The following ZNF737 variants were observed in gnomAD, a reference collection of about 807,000 sequenced individuals.
ZNF737 encodes zinc finger protein 737.
Under a neutral mutation model 11.7 loss-of-function variants are expected in ZNF737, and 13 were observed. That is an observed-to-expected ratio of 1.11 (90% CI 0.73 to 1.77). The LOEUF is 1.77. ZNF737 is among the 40% of genes most tolerant of loss of function. The pLI, the probability that ZNF737 is intolerant of heterozygous loss-of-function variation, is 0.00. For missense variants in ZNF737, 636 were observed against 638.0 expected (o/e 1.00, Z 0.03); for synonymous variants, 217 against 216.2 (o/e 1.00, Z -0.03).
At chr19:20,548,962 G>GGAA in intron 3 of ZNF737, among the ~76,000 whole-genome samples, 1 of 86,450 alleles carries the variant, frequency 1.2e-5, no homozygotes, top group East Asian at 3.4e-4. Flanking sequence ...AAGAAAAACT[G>GGAA]AAAAAAAAAA....
chr19:20,540,510 C>T lies in ZNF737; in HGVS notation c.*4082G>A, dbSNP rs1276852092. Among the ~76,000 whole-genome samples the T allele has an allele frequency of 6.6e-6, 1 of 152,068 alleles. No homozygotes were observed. The highest frequency in any genetic ancestry group is 1.5e-5 in the Non-Finnish European group (1 of 68,000). On this transcript the variant is annotated 3_prime_UTR_variant, in exon 4 of 4. Transcript: ENST00000427401. ...GCACGGTGGCTCATGATTCTAATAC[C>T]AGCACCGTGGGAGGCTGAAGCAGGC...
At chr19:20,532,787 C>T (rs1272504787), downstream of ZNF737, among the ~76,000 whole-genome samples, 1 of 149,934 alleles carries the variant, frequency 6.7e-6, no homozygotes, top group East Asian at 2.0e-4. Flanking sequence ...AAATAAGAGC[C>T]ACCTGTGGCA....
At position 20,545,114 on chromosome 19, in the gene ZNF737, A is replaced by G. The variant is rs782635179; in HGVS notation, c.1089T>C (p.His363=). ...CACATTTGTAGGGTTTCTCTCCACT[A>G]TGAATTATCTTGTGTGTAGTAAGGG... The part of the protein sequence containing the change: ...FSSLTTHKII[H]SGEKPYKCEE... The change falls in exon 4 of 4, where the codon CAT becomes CAC. Residue 363 remains histidine (H), a synonymous_variant. Coordinates refer to ENST00000427401, the MANE Select transcript of ZNF737 (RefSeq NM_001159293.2). 9 of 1,611,064 alleles carry G rather than the reference A, an allele frequency of 5.6e-6. No individual in the cohort carries two copies. The highest frequency in any genetic ancestry group is 4.5e-5 in the East Asian group (2 of 44,676).
At position 20,544,491 on chromosome 19, in the gene ZNF737, T is replaced by C; in HGVS notation, c.*101A>G. The C allele has an allele frequency of 3.9e-6, 6 of 1,526,154 alleles. No homozygotes were observed. Among genetic ancestry groups the C allele is most frequent in the Non-Finnish European group, 5.2e-6 (6 of 1,144,694 alleles). The allele number at this position is 1,526,154 out of a possible 1,614,324, so 94.5% of individuals were successfully genotyped here. On this transcript the variant is annotated 3_prime_UTR_variant, in exon 4 of 4. Coordinates refer to ENST00000427401, the MANE Select transcript of ZNF737 (RefSeq NM_001159293.2). ...AGGTTTGAGGATGAAATAAAGGCTT[T>C]GCCACATTTATCACACTTGTACAGT...
rs1283415870 is a variant in ZNF737 at position 20,543,067 on chromosome 19, C to CTTAG, written c.*1521_*1524dup. On this transcript the variant is annotated 3_prime_UTR_variant, in exon 4 of 4. Transcript: ENST00000427401. ...AGTGTAATGTCTGAAGTGTCGGGGC[C>CTTAG]TTAGTTATTCTACTGTAAACTCTCT... 1 of 983,252 alleles carries CTTAG rather than the reference C, an allele frequency of 1.0e-6. No individual in the cohort carries two copies. Among genetic ancestry groups the CTTAG allele is most frequent in the Non-Finnish European group, 1.2e-6 (1 of 828,274 alleles). The allele number at this position is 983,252 out of a possible 1,614,324, so 60.9% of individuals were successfully genotyped here. A position where few individuals can be genotyped will look rare whatever the true frequency, so the allele number is the denominator to read the frequency against.
chr19:20,565,431 G>A (rs1287913446), intron 1 of ZNF737, among the ~76,000 whole-genome samples: 1 of 152,108 alleles, frequency 6.6e-6, no homozygotes, highest in African/African-American at 2.4e-5. Context: ...TCACTACGCA[G>A]GGAAGACACA....
Position 20,544,660 on chromosome 19 carries a change from C to T in ZNF737, c.1543G>A (p.Gly515Ser), listed in dbSNP as rs782719965. ...GTAGAGGGGCACTTAAAGCCTTTGCCACATTCTTCACATTTGTAGGGTTTC... is the reference window on the plus strand; with the variant it reads ...GTAGAGGGGCACTTAAAGCCTTTGCTACATTCTTCACATTTGTAGGGTTTC... ...GEKPYKCEEC[G>S]KGFKCPSTLT... is the part of the protein sequence containing the mutation. The change falls in exon 4 of 4, where the codon GGC becomes AGC. Residue 515 changes from glycine (G) to serine (S), a missense_variant. Coordinates refer to ENST00000427401, the MANE Select transcript of ZNF737 (RefSeq NM_001159293.2). 1 of 1,608,840 alleles carries T rather than the reference C, an allele frequency of 6.2e-7. No homozygotes were observed. Among genetic ancestry groups the T allele is most frequent in the Non-Finnish European group, 8.5e-7 (1 of 1,177,766 alleles).
At chr19:20,547,907 T>C (rs1168443244) in intron 3 of ZNF737, among the ~76,000 whole-genome samples, 1 of 152,054 alleles carries the variant, frequency 6.6e-6, no homozygotes, top group African/African-American at 2.4e-5. Flanking sequence ...TCCTAGCAGT[T>C]TGGGAGGCTG....
chr19:20,553,013 GA>G (rs34125607), intron 2 of ZNF737, among the ~76,000 whole-genome samples: 262 of 134,198 alleles, frequency 2.0e-3, no homozygotes, highest in Middle Eastern at 4.2e-3. Context: ...CTCTGTCCCC[GA>G]AAAAAAAAAA....
At chr19:20,533,302 TG>T (rs1967873910), downstream of ZNF737, among the ~76,000 whole-genome samples, 1 of 150,040 alleles carries the variant, frequency 6.7e-6, no homozygotes, top group South Asian at 2.2e-4. Flanking sequence ...TATACATGTA[TG>T]AAAGGTTTTT....
At chr19:20,532,862 C>T (rs1366995168), downstream of ZNF737, among the ~76,000 whole-genome samples, 6 of 149,846 alleles carry the variant, frequency 4.0e-5, 1 homozygote, top group Non-Finnish European at 8.9e-5. Flanking sequence ...ATTATATTTG[C>T]TTCCATCATC....
At chr19:20,550,297 G>C (rs1438134776) in intron 3 of ZNF737, among the ~76,000 whole-genome samples, 2 of 152,040 alleles carry the variant, frequency 1.3e-5, no homozygotes, top group African/African-American at 4.8e-5. Flanking sequence ...GGAGATATAG[G>C]CTGAAAAAAG....
In ZNF737 at chr19:20,544,120, C is replaced by G; in HGVS notation, c.*472G>C. On this transcript the variant is annotated 3_prime_UTR_variant, in exon 4 of 4. Coordinates refer to ENST00000427401, the MANE Select transcript of ZNF737 (RefSeq NM_001159293.2). ...TCCAGCTTGGATGACAAGCATGAAA[C>G]TTCATCTCAAAAAAAAAAATATTGA... 1.0e-6 allele frequency: 1 copy of G among 999,394 alleles called. No homozygotes were observed. The highest frequency in any genetic ancestry group is 1.2e-6 in the Non-Finnish European group (1 of 837,304). The allele number at this position is 999,394 out of a possible 1,614,324, so 61.9% of individuals were successfully genotyped here.
chr19:20,555,239 G>A (rs1247718690), intron 1 of ZNF737, among the ~76,000 whole-genome samples: 1 of 149,766 alleles, frequency 6.7e-6, no homozygotes, highest in Admixed American at 6.7e-5. Context: ...CTGGAGTGCA[G>A]TGGCGCAACC....
At chr19:20,537,804 C>T (rs781945238), downstream of ZNF737, among the ~76,000 whole-genome samples, 7 of 152,018 alleles carry the variant, frequency 4.6e-5, no homozygotes, top group South Asian at 1.0e-3. Context: ...CATGAGCCAC[C>T]GCACCCAGCC....
At chr19:20,535,742 G>T (rs2122449055), downstream of ZNF737, 2 of 151,630 alleles carry the variant, frequency 1.3e-5, no homozygotes, top group East Asian at 3.9e-4. Context: ...GGCCAGGCTA[G>T]TCTCAAACTC....
In ZNF737 at chr19:20,543,885, T is replaced by C; in HGVS notation, c.*707A>G. 1.0e-6 allele frequency: 1 copy of C among 975,180 alleles called. No individual in the cohort carries two copies. The highest frequency in any genetic ancestry group is 1.2e-6 in the Non-Finnish European group (1 of 820,822). 60.4% of individuals were successfully genotyped at this position (975,180 alleles called of 1,614,324 possible). Reference sequence around the variant, plus strand: ...GCTCACGCCTGTAATCCCAGCACTTTAGGAGGCCAAGGTGGGTGGATCACC... The same window carrying C: ...GCTCACGCCTGTAATCCCAGCACTTCAGGAGGCCAAGGTGGGTGGATCACC... On this transcript the variant is annotated 3_prime_UTR_variant, in exon 4 of 4. Transcript: ENST00000427401.
Position 20,552,631 on chromosome 19 carries a change from A to C in ZNF737, c.131-61T>G, listed in dbSNP as rs184691518. On this transcript the variant is annotated intron_variant, in intron 2 of 3. Transcript: ENST00000427401. ...CATATTCTCCAATTACAAGCTAGTA[A>C]TGTGCTCGCAAAGACAATGTAATAA... is the stretch of plus-strand genomic sequence containing the variant. 5.2e-6 allele frequency: 6 copies of C among 1,160,996 alleles called. No individual in the cohort carries two copies. In the East Asian group the frequency reaches 1.3e-4, roughly 26 times the overall value. 71.9% of individuals were successfully genotyped at this position (1,160,996 alleles called of 1,614,324 possible).
rs1445875118 is a variant in ZNF737, at chr19:20,543,928, G to A, written c.*664C>T. On this transcript the variant is annotated 3_prime_UTR_variant, in exon 4 of 4. Transcript: ENST00000427401. ...GGATCACCTGAGGTCAGGAGTTCGA[G>A]ACCAGCCTGGCAAACATGGCGAAGT... 1.0e-5 allele frequency: 8 copies of A among 796,708 alleles called. No homozygotes were observed. Among genetic ancestry groups the A allele is most frequent in the Non-Finnish European group, 1.2e-5 (8 of 658,724 alleles). 49.4% of individuals were successfully genotyped at this position (796,708 alleles called of 1,614,324 possible).
Sources: allele counts gnomAD v4.1 joint callset (sites outside exome capture counted in the v4.1 genomes callset), GRCh38; gene constraint gnomAD v4.1.1; transcripts MANE v1.5; gene names NCBI Gene and HGNC (gene_info 2026-07-23, HGNC 2026-07-21).